RTN1: variants seen among roughly 807,000 people sequenced by gnomAD.
RTN1 encodes reticulon-1.
In RTN1, 25 loss-of-function variants were observed where a neutral mutation model predicts 65.5. The observed-to-expected ratio is 0.38, with a 90% confidence interval of 0.28 to 0.53. The LOEUF (loss-of-function observed/expected upper bound fraction) is 0.53, where lower values mean the gene tolerates loss of function less well. Ranked by LOEUF, RTN1 falls within the 20% of genes least tolerant of loss-of-function variation. RTN1 has a pLI of 0.79. For missense variants in RTN1, 983 were observed against 1,025.4 expected (o/e 0.96, Z 0.57); for synonymous variants, 471 against 447.6 (o/e 1.05, Z -0.66).
intron 1 of RTN1, among the ~76,000 whole-genome samples, chr14:59,767,512 G>T (rs1385840872): frequency 6.6e-6 from 1 of 152,108 alleles, no homozygotes; most frequent in Non-Finnish European, 1.5e-5. Flanking sequence ...TTCTATTTTT[G>T]CACTTCTTTG....
chr14:59,870,640 T>C lies in RTN1; in HGVS notation c.-10A>G. The C allele has an allele frequency of 7.3e-7, 1 of 1,373,346 alleles. No individual in the cohort carries two copies. The highest frequency in any genetic ancestry group is 9.3e-7 in the Non-Finnish European group (1 of 1,070,192). The allele number at this position is 1,373,346 out of a possible 1,614,324, so 85.1% of individuals were successfully genotyped here. On this transcript the variant is annotated 5_prime_UTR_variant, in exon 1 of 9. Transcript: ENST00000267484. This position sits in a 1 kb window ranked among gnomAD's most constrained non-coding sequence, Gnocchi z 5.1. ...CCCCCGGCGCGGCCATGGCTGGCGG[T>C]CCCCCGGCGCGGCGACGGCGGCTTG...
intron 1 of RTN1, among the ~76,000 whole-genome samples, chr14:59,859,796 T>C (rs573680823): frequency 2.6e-5 from 4 of 152,312 alleles, no homozygotes; most frequent in African/African-American, 9.6e-5. Context: ...AAGGTAACTC[T>C]TGTTATGCTT....
chr14:59,743,615 G>C (rs1885156722), intron 2 of RTN1, among the ~76,000 whole-genome samples: 1 of 152,162 alleles, frequency 6.6e-6, no homozygotes, highest in Admixed American at 6.5e-5. Context: ...TTTCTGATTT[G>C]TCATTACTAC....
At chr14:59,709,258 A>G (rs1014297300) in intron 3 of RTN1, among the ~76,000 whole-genome samples, 1 of 152,182 alleles carries the variant, frequency 6.6e-6, no homozygotes, top group Admixed American at 6.5e-5. Context: ...TAATTGTTAA[A>G]TTTTGTTTAT....
chr14:59,743,782 C>T (rs1272075999), intron 2 of RTN1, among the ~76,000 whole-genome samples: 5 of 152,164 alleles, frequency 3.3e-5, no homozygotes, highest in East Asian at 1.9e-4. Context: ...TGGGGAGCTG[C>T]TGGACTCCAG....
intron 3 of RTN1, among the ~76,000 whole-genome samples, chr14:59,702,646 G>T (rs1200184035): frequency 6.6e-6 from 1 of 151,982 alleles, no homozygotes; most frequent in African/African-American, 2.4e-5. Flanking sequence ...TTTCACTACT[G>T]CCACTACTAC....
At chr14:59,669,426 C>T (rs1363086748) in intron 3 of RTN1, among the ~76,000 whole-genome samples, 1 of 151,316 alleles carries the variant, frequency 6.6e-6, no homozygotes, top group Admixed American at 6.6e-5. Flanking sequence ...GGACACAGGG[C>T]AGGGAACATC....
chr14:59,745,863 T>A lies in RTN1; in HGVS notation c.860A>T (p.Glu287Val), dbSNP rs1440519353. ...AGTGGTTTCAACAGAAGGTTCTATT[T>A]CCGTCAGTGTGATTTTGACAGGGGT... Reference protein sequence around the residue: ...ITTPVKITLTEIEPSVETTTQ... With the variant: ...ITTPVKITLTVIEPSVETTTQ... Residue 287 changes from glutamate to valine, a missense_variant, in exon 2 of 9, where the codon GAA becomes GTA. Glu to Val is a moderately radical substitution (Grantham distance 121). Coordinates refer to ENST00000267484, the MANE Select transcript of RTN1 (RefSeq NM_021136.3). 6.2e-7 allele frequency: 1 copy of A among 1,613,990 alleles called. No homozygotes were observed. Among genetic ancestry groups the A allele is most frequent in the East Asian group, 2.2e-5 (1 of 44,890 alleles).
At chr14:59,683,061 C>T (rs772121263) in intron 3 of RTN1, among the ~76,000 whole-genome samples, 14 of 152,072 alleles carry the variant, frequency 9.2e-5, no homozygotes, top group Non-Finnish European at 1.8e-4. Flanking sequence ...ATCTGCCAAT[C>T]CCATTTCTCC....
intron 2 of RTN1, among the ~76,000 whole-genome samples, chr14:59,728,194 G>A (rs921940832): frequency 4.7e-5 from 7 of 150,016 alleles, no homozygotes; most frequent in Non-Finnish European, 4.4e-5. Flanking sequence ...AGGTAGTTTT[G>A]AGCCTTGGAC....
At chr14:59,739,676 T>C (rs748227946) in intron 2 of RTN1, among the ~76,000 whole-genome samples, 8 of 150,322 alleles carry the variant, frequency 5.3e-5, no homozygotes, top group Non-Finnish European at 1.0e-4. Flanking sequence ...AGGAGAAAAA[T>C]AGAAAAGAGA....
intron 3 of RTN1, among the ~76,000 whole-genome samples, chr14:59,674,655 G>A (rs192249909): frequency 4.6e-5 from 7 of 152,274 alleles, no homozygotes; most frequent in Admixed American, 2.0e-4. Flanking sequence ...GTGTGTGCCC[G>A]TATGTGTGTG....
intron 1 of RTN1, among the ~76,000 whole-genome samples, chr14:59,777,638 T>C (rs1417089605): frequency 1.3e-5 from 2 of 152,138 alleles, no homozygotes; most frequent in Admixed American, 1.3e-4. Flanking sequence ...TGCCCCTTTT[T>C]TCAGGAGTTC....
At chr14:59,659,954 TAA>T (rs1404319853) in intron 3 of RTN1, among the ~76,000 whole-genome samples, 6 of 149,386 alleles carry the variant, frequency 4.0e-5, no homozygotes, top group African/African-American at 1.5e-4. Context: ...GCAAATTGGA[TAA>T]AGAGTCGAAA....
rs118124153 is a variant in RTN1 at position 59,821,133 on chromosome 14, C to T, written c.241+49257G>A. ...GCCATTTTAACAACATTGATTCTTC[C>T]TGTGCATGATCATGAAATGTTTTTC... On this transcript the variant is annotated intron_variant, in intron 1 of 8. Coordinates refer to ENST00000267484, the MANE Select transcript of RTN1 (RefSeq NM_021136.3). Among the ~76,000 whole-genome samples the T allele has an allele frequency of 2.9e-3, 440 of 152,298 alleles. 22 individuals are homozygous for T. The East Asian group carries it at 0.075, about 26-fold the overall frequency.
chr14:59,611,037 C>T (rs1881932723), intron 3 of RTN1, among the ~76,000 whole-genome samples: 2 of 152,218 alleles, frequency 1.3e-5, no homozygotes, highest in Admixed American at 6.5e-5. Context: ...TCCTTAAAAA[C>T]TCCGCTCCCT....
At position 59,774,381 on chromosome 14, in the gene RTN1, G is replaced by A. The variant is rs1023331563; in HGVS notation, c.242-27900C>T. Among the ~76,000 whole-genome samples, 2 of 152,152 alleles carry A rather than the reference G, an allele frequency of 1.3e-5. No individual in the cohort carries two copies. Among genetic ancestry groups the A allele is most frequent in the African/African-American group, 4.8e-5 (2 of 41,422 alleles). On this transcript the variant is annotated intron_variant, in intron 1 of 8. Coordinates refer to ENST00000267484, the MANE Select transcript of RTN1 (RefSeq NM_021136.3). The surrounding 1 kb of genome is among the most constrained non-coding windows in gnomAD (Gnocchi z 5.1). ...CTATAGATTATTATAATTTGGCTCT[G>A]AAGGGTTGGTTTCTTTCAACTTCTG...
At chr14:59,826,942 G>A (rs1321923929) in intron 1 of RTN1, among the ~76,000 whole-genome samples, 1 of 152,192 alleles carries the variant, frequency 6.6e-6, no homozygotes, top group Non-Finnish European at 1.5e-5. Flanking sequence ...GGTGGGAGCA[G>A]AGTATTTAGA....
chr14:59,835,693 C>T (rs1018752218), intron 1 of RTN1, among the ~76,000 whole-genome samples: 2 of 152,124 alleles, frequency 1.3e-5, no homozygotes, highest in Admixed American at 1.3e-4. Context: ...TTTGGTTCTA[C>T]CCCCTGAACC....
Sources: gnomAD v4.1 joint callset for allele counts (sites outside exome capture counted in the v4.1 genomes callset) on GRCh38, gnomAD v4.1.1 for gene constraint, Gnocchi (gnomAD v3.1) non-coding constraint, MANE v1.5 for transcripts, NCBI Gene and HGNC (gene_info 2026-07-23, HGNC 2026-07-21) for gene names.